Variants in SRBD1 observed in about 807,000 individuals in gnomAD.
SRBD1 encodes the protein S1 RNA-binding domain-containing protein 1.
SRBD1 carries 88 observed loss-of-function variants against 115.3 expected under a neutral mutation model. The observed-to-expected ratio is 0.76, with a 90% CI of 0.64 to 0.91. The LOEUF (loss-of-function observed/expected upper bound fraction) is 0.91. SRBD1 is among the 40% of genes least tolerant of loss of function. The pLI is 0.00. For synonymous variants in SRBD1, 509 were observed against 407.7 expected (o/e 1.25, Z -2.99); for missense variants, 1,385 against 1,177.4 (o/e 1.18, Z -2.58).
At chr2:45,507,021 A>G (rs1410391128) in intron 14 of SRBD1, among the ~76,000 whole-genome samples, 2 of 152,160 alleles carry the variant, frequency 1.3e-5, no homozygotes, top group Non-Finnish European at 2.9e-5. Context: ...TTTTTCATTA[A>G]TATGGATAAA....
chr2:45,570,687 T>C (rs904990765), intron 9 of SRBD1, among the ~76,000 whole-genome samples: 2 of 152,192 alleles, frequency 1.3e-5, no homozygotes, highest in African/African-American at 4.8e-5. Flanking sequence ...ACTTTTAACG[T>C]ACCCCAGTCT....
intron 9 of SRBD1, among the ~76,000 whole-genome samples, chr2:45,567,185 T>C (rs1240395822): frequency 2.0e-5 from 3 of 152,152 alleles, no homozygotes; most frequent in Non-Finnish European, 2.9e-5. Context: ...TTTAAAAATA[T>C]TGAGTAAAAT....
At chr2:45,551,316 T>G in intron 11 of SRBD1, 34 bp from the exon 12 acceptor site, 11 of 1,570,270 alleles carry the variant, frequency 7.0e-6, no homozygotes, top group South Asian at 1.2e-5. Flanking sequence ...AAGTTTTTCA[T>G]TCACCCAAAT....
At chr2:45,567,480 A>G (rs927216808) in intron 9 of SRBD1, among the ~76,000 whole-genome samples, 4 of 152,078 alleles carry the variant, frequency 2.6e-5, no homozygotes, top group African/African-American at 9.7e-5. Context: ...GTGCTTGTGC[A>G]TGCCCATAGT....
intron 16 of SRBD1, among the ~76,000 whole-genome samples, chr2:45,474,247 G>A (rs1669737948): frequency 6.6e-6 from 1 of 152,070 alleles, no homozygotes; most frequent in African/African-American, 2.4e-5. Context: ...TGTTTATTAA[G>A]TTTGGTGCCT....
chr2:45,431,196 TTGG>T (rs1668324717), intron 16 of SRBD1, among the ~76,000 whole-genome samples: 1 of 152,184 alleles, frequency 6.6e-6, no homozygotes. Context: ...TTTAACGCTG[TTGG>T]TGGGAGTGTA....
intron 9 of SRBD1, among the ~76,000 whole-genome samples, chr2:45,567,082 T>A (rs1293999604): frequency 1.3e-5 from 2 of 152,154 alleles, no homozygotes; most frequent in African/African-American, 4.8e-5. Context: ...TACCACAAAA[T>A]AATTCTACCA....
At chr2:45,513,730 T>C (rs1261033680) in intron 14 of SRBD1, among the ~76,000 whole-genome samples, 1 of 152,104 alleles carries the variant, frequency 6.6e-6, no homozygotes, top group Non-Finnish European at 1.5e-5. Flanking sequence ...TCTTTAATGC[T>C]GAAAAAAAGA....
chr2:45,577,083 T>C (rs965025670), intron 7 of SRBD1, among the ~76,000 whole-genome samples: 8 of 152,186 alleles, frequency 5.3e-5, no homozygotes, highest in African/African-American at 1.9e-4. Context: ...ATAACTCTGA[T>C]ACTCATTCAA....
intron 16 of SRBD1, among the ~76,000 whole-genome samples, chr2:45,443,724 A>C (rs1306141923): frequency 1.3e-5 from 2 of 151,798 alleles, no homozygotes; most frequent in Non-Finnish European, 2.9e-5. Context: ...AAATGTGTAT[A>C]CTGTAAGCAG....
intron 16 of SRBD1, among the ~76,000 whole-genome samples, chr2:45,424,288 C>T (rs1224258697): frequency 6.6e-6 from 1 of 152,146 alleles, no homozygotes; most frequent in Non-Finnish European, 1.5e-5. Context: ...TATTGATACA[C>T]TTGTGTAATC....
chr2:45,593,119 CTTCTAAGACAGAGGTA>C (rs1323461486), intron 4 of SRBD1, among the ~76,000 whole-genome samples: 1 of 152,076 alleles, frequency 6.6e-6, no homozygotes, highest in African/African-American at 2.4e-5. Flanking sequence ...ATTTTTTGTA[CTTCTAAGACAGAGGTA>C]CTTATTTTGA....
intron 16 of SRBD1, among the ~76,000 whole-genome samples, chr2:45,422,426 T>C (rs936610374): frequency 2.0e-5 from 3 of 152,164 alleles, no homozygotes; most frequent in African/African-American, 7.2e-5. Context: ...TTTTTCAAAC[T>C]GAGGGTTATG....
intron 15 of SRBD1, among the ~76,000 whole-genome samples, chr2:45,477,581 ACT>A (rs1669841383): frequency 1.3e-5 from 2 of 152,046 alleles, no homozygotes; most frequent in South Asian, 4.2e-4. Context: ...ATAGGGTCTC[ACT>A]CTGTTACCCT....
chr2:45,414,628 G>T (rs1399850566), intron 18 of SRBD1, among the ~76,000 whole-genome samples: 1 of 128,570 alleles, frequency 7.8e-6, no homozygotes, highest in Non-Finnish European at 1.9e-5. Flanking sequence ...CACACATAGT[G>T]TGTATATAGT....
At chr2:45,580,345 T>C (rs1673312230) in intron 6 of SRBD1, among the ~76,000 whole-genome samples, 1 of 152,076 alleles carries the variant, frequency 6.6e-6, no homozygotes, top group African/African-American at 2.4e-5. Context: ...TTCGTTTTTT[T>C]TGTTTTTTTC....
intron 4 of SRBD1, among the ~76,000 whole-genome samples, chr2:45,591,885 G>C (rs975321099): frequency 6.6e-6 from 1 of 152,196 alleles, no homozygotes; most frequent in African/African-American, 2.4e-5. Context: ...CACACTGAGA[G>C]ACAAAATGGT....
chr2:45,404,295 C>T (rs1468967536), intron 19 of SRBD1, among the ~76,000 whole-genome samples: 1 of 152,068 alleles, frequency 6.6e-6, no homozygotes, highest in Non-Finnish European at 1.5e-5. Context: ...TAGGCAGATA[C>T]AGTTTGGAAG....
intron 9 of SRBD1, among the ~76,000 whole-genome samples, chr2:45,564,697 C>CT (rs1366797801): frequency 6.6e-6 from 1 of 152,108 alleles, no homozygotes; most frequent in Non-Finnish European, 1.5e-5. Flanking sequence ...AAGTTCACAA[C>CT]TTACACGGTT....
Sources: gnomAD v4.1 joint callset for allele counts (sites outside exome capture counted in the v4.1 genomes callset) on GRCh38, gnomAD v4.1.1 for gene constraint, MANE v1.5 for transcripts, NCBI Gene and HGNC (gene_info 2026-07-23, HGNC 2026-07-21) for gene names.